Variants in LAMA4 observed in about 807,000 individuals in gnomAD.
LAMA4 encodes the protein laminin subunit alpha 4, also known as laminin subunit alpha-4.
LAMA4 carries 127 observed loss-of-function variants against 207.1 expected under a neutral mutation model. That is an observed-to-expected ratio of 0.61 (90% confidence interval 0.53 to 0.71). The LOEUF is 0.71. LAMA4 is among the 30% of genes least tolerant of loss of function. The probability of loss-of-function intolerance (pLI) is 0.00; values close to 1 mark genes in which losing one functional copy is unlikely to be tolerated. For missense variants in LAMA4, 2,093 were observed against 2,246.5 expected, an observed-to-expected ratio of 0.93 and a Z score of 1.38; for synonymous variants, 761 against 816.0, an observed-to-expected ratio of 0.93 and a Z score of 1.15.
intron 9 of LAMA4, among the ~76,000 whole-genome samples, chr6:112,183,405 G>A (rs934065628): frequency 4.6e-5 from 7 of 152,174 alleles, no homozygotes; most frequent in African/African-American, 1.7e-4. Flanking sequence ...AAACAGCTGG[G>A]TGAAAGTTCC....
intron 32 of LAMA4, 106 bp from the exon 33 acceptor site, chr6:112,120,578 C>A: frequency 1.2e-6 from 1 of 829,154 alleles, no homozygotes; most frequent in South Asian, 1.5e-5. Flanking sequence ...AGTAGCCATT[C>A]TATCTAATCC....
intron 2 of LAMA4, chr6:112,218,017 T>C (rs1227554831): frequency 6.6e-6 from 1 of 152,224 alleles, no homozygotes; most frequent in Non-Finnish European, 1.5e-5. Flanking sequence ...CATATATATG[T>C]GTCTCAGAGA....
intron 2 of LAMA4, chr6:112,251,275 AT>A (rs1415894817): frequency 6.6e-6 from 1 of 152,116 alleles, no homozygotes; most frequent in African/African-American, 2.4e-5. Flanking sequence ...TATTTCATGT[AT>A]TTGTTCCCCA....
At chr6:112,138,634 C>A (rs1779497125) in intron 24 of LAMA4, among the ~76,000 whole-genome samples, 5 of 151,442 alleles carry the variant, frequency 3.3e-5, no homozygotes, top group Admixed American at 3.3e-4. Context: ...ATAATTTGTC[C>A]TTTATTACAA....
At chr6:112,234,124 A>G (rs1474050790) in intron 2 of LAMA4, 1 of 152,150 alleles carries the variant, frequency 6.6e-6, no homozygotes, top group African/African-American at 2.4e-5. Flanking sequence ...TAACTTATAC[A>G]TAGGAAGAAC....
At chr6:112,138,916 T>G (rs1779513073) in intron 24 of LAMA4, among the ~76,000 whole-genome samples, 1 of 152,178 alleles carries the variant, frequency 6.6e-6, no homozygotes, top group African/African-American at 2.4e-5. Flanking sequence ...TATCCAAAAA[T>G]GTACTGTGGG....
At chr6:112,152,122 T>C (rs1351406232) in intron 16 of LAMA4, among the ~76,000 whole-genome samples, 3 of 152,124 alleles carry the variant, frequency 2.0e-5, no homozygotes, top group Admixed American at 6.5e-5. Flanking sequence ...TTTTTAATAA[T>C]ATCCTTATGT....
chr6:112,155,585 T>G lies in LAMA4; in HGVS notation c.1939A>C (p.Thr647Pro). The G allele has an allele frequency of 2.5e-6, 4 of 1,614,194 alleles. No homozygotes were observed. Among genetic ancestry groups the G allele is most frequent in the Non-Finnish European group, 3.4e-6 (4 of 1,180,010 alleles). ...ANETAEFALN[T>P]TDRIYDAVSG... ...CTCACATCATAAATTCGGTCAGTGG[T>G]GTTCAAAGCAAATTCTGCTGTTTCA... The change falls in exon 15 of 39, where the codon ACC (threonine) becomes CCC (proline). Residue 647 changes from threonine to proline, a missense_variant. By Grantham distance (38) the Thr-to-Pro change is conservative. Coordinates refer to ENST00000230538, the MANE Select transcript of LAMA4 (RefSeq NM_001105206.3).
At chr6:112,246,599 C>CGG (rs1786953452) in intron 2 of LAMA4, among the ~76,000 whole-genome samples, 1 of 151,112 alleles carries the variant, frequency 6.6e-6, no homozygotes, top group African/African-American at 2.4e-5. Context: ...CCGCTCACTG[C>CGG]AACCTCCGCC....
At chr6:112,149,666 G>A (rs1780257295) in intron 17 of LAMA4, among the ~76,000 whole-genome samples, 2 of 152,268 alleles carry the variant, frequency 1.3e-5, no homozygotes, top group South Asian at 4.1e-4. Context: ...ATTACCCAGT[G>A]TTGGCTATTT....
chr6:112,234,561 T>G (rs1370599745), intron 2 of LAMA4: 1 of 151,670 alleles, frequency 6.6e-6, no homozygotes, highest in Non-Finnish European at 1.5e-5. Flanking sequence ...TAGATAAACA[T>G]GAGCTTGTGT....
chr6:112,154,307 TGCTTGTTAGGTCTGTCCTAAATACA>T (rs1243521964), intron 16 of LAMA4, among the ~76,000 whole-genome samples: 4 of 148,390 alleles, frequency 2.7e-5, no homozygotes, highest in African/African-American at 1.0e-4. Context: ...TCTTACCATA[TGCTTGTTAGGTCTGTCCTAAATACA>T]GTAACCTATG....
At chr6:112,130,151 A>G in intron 29 of LAMA4, 111 bp from the exon 30 acceptor site, 1 of 903,320 alleles carries the variant, frequency 1.1e-6, no homozygotes, top group Non-Finnish European at 1.8e-6. Context: ...ACATGTGGTT[A>G]ATGAAAAGAC....
rs201942915 is a variant in LAMA4, at chr6:112,172,656, G to C, written c.1506C>G (p.Ala502=). 1.2e-6 allele frequency: 2 copies of C among 1,613,180 alleles called. No individual in the cohort carries two copies. Among genetic ancestry groups the C allele is most frequent in the Non-Finnish European group, 1.7e-6 (2 of 1,179,990 alleles). ...LDQALNYVRD[A]EDMNRATAAR... ...CTGCTGTGGCCCTGTTCATGTCTTCGGCATCCCTGACATAGTTAAGGGCCT... is the reference window on the plus strand; with the variant it reads ...CTGCTGTGGCCCTGTTCATGTCTTCCGCATCCCTGACATAGTTAAGGGCCT... Residue 502 remains alanine (A), a synonymous_variant, in exon 12 of 39, where the codon GCC becomes GCG. Coordinates refer to ENST00000230538, the MANE Select transcript of LAMA4 (RefSeq NM_001105206.3).
rs1000512326 is a variant in LAMA4 at position 112,108,494 on chromosome 6, A to G, written c.*943T>C. On this transcript the variant is annotated 3_prime_UTR_variant, in exon 39 of 39. Coordinates refer to ENST00000230538, the MANE Select transcript of LAMA4 (RefSeq NM_001105206.3). ...CAGGTACAGTCAGCAGTCATAGCTC[A>G]CTGCAGCCTTGAACTCCTGAGCTTA... 7.9e-5 allele frequency among the ~76,000 whole-genome samples: 12 copies of G among 152,164 alleles called. No homozygotes were observed. The highest frequency in any genetic ancestry group is 1.8e-4 in the Non-Finnish European group (12 of 68,024).
rs546900135 is a variant in LAMA4, at chr6:112,247,358, G to A, written c.195+6598C>T. Among the ~76,000 whole-genome samples, 6 of 152,250 alleles carry A rather than the reference G, an allele frequency of 3.9e-5. No homozygotes were observed. In the South Asian group the frequency reaches 8.3e-4, roughly 21 times the overall value. ...TGTAAGCCCATATTCTGCCTGTAACGAAAGGTGAACTTCAAAATATTGTAA... is the reference window on the plus strand; with the variant it reads ...TGTAAGCCCATATTCTGCCTGTAACAAAAGGTGAACTTCAAAATATTGTAA... On this transcript the variant is annotated intron_variant, in intron 2 of 38. Transcript: ENST00000230538.
intron 2 of LAMA4, among the ~76,000 whole-genome samples, chr6:112,223,277 A>T (rs1384787201): frequency 2.0e-5 from 3 of 152,238 alleles, no homozygotes; most frequent in Non-Finnish European, 4.4e-5. Flanking sequence ...GATGCGGCAC[A>T]CAAGGGTTAG....
chr6:112,210,259 A>T (rs782536848), intron 3 of LAMA4, among the ~76,000 whole-genome samples: 2 of 151,546 alleles, frequency 1.3e-5, no homozygotes, highest in Non-Finnish European at 2.9e-5. Context: ...TTGGCAAAGC[A>T]TAGGAATAAA....
At chr6:112,137,562 A>G (rs4947170) in intron 24 of LAMA4, among the ~76,000 whole-genome samples, 149,779 of 152,380 alleles carry the variant, frequency 0.98, 73,620 homozygotes, top group East Asian at 1. Flanking sequence ...ACACTTGAAG[A>G]GTTGAAGGTA....
Sources: allele counts gnomAD v4.1 joint callset (sites outside exome capture counted in the v4.1 genomes callset), GRCh38; gene constraint gnomAD v4.1.1; transcripts MANE v1.5; gene names NCBI Gene and HGNC (gene_info 2026-07-23, HGNC 2026-07-21).